Variants in CEP63 observed in about 807,000 individuals in gnomAD.
CEP63 encodes the protein centrosomal protein of 63 kDa.
In CEP63, 84 loss-of-function variants were observed where a neutral mutation model predicts 89.1. The observed-to-expected ratio is 0.94, with a 90% CI of 0.79 to 1.13. CEP63 has a LOEUF of 1.13. CEP63 is among the 50% of genes most tolerant of loss of function. The pLI is 0.00. For missense variants in CEP63, 838 were observed against 813.3 expected, an observed-to-expected ratio of 1.03 and a Z score of -0.37; for synonymous variants, 267 against 272.5, an observed-to-expected ratio of 0.98 and a Z score of 0.20.
chr3:134,657,436 C>A, the CEP63 span, among the ~76,000 whole-genome samples: 1 of 152,232 alleles, frequency 6.6e-6, no homozygotes, highest in Admixed American at 6.5e-5. Flanking sequence ...ATTGGTATTG[C>A]ACCATATATA....
At chr3:134,710,588 C>T in the CEP63 span, among the ~76,000 whole-genome samples, 56 of 152,188 alleles carry the variant, frequency 3.7e-4, no homozygotes, top group Non-Finnish European at 6.6e-4. Flanking sequence ...CCCCTCCTTC[C>T]CACCCCAGGC....
At chr3:134,670,326 T>C in the CEP63 span, among the ~76,000 whole-genome samples, 1 of 152,174 alleles carries the variant, frequency 6.6e-6, no homozygotes, top group African/African-American at 2.4e-5. Flanking sequence ...ATTTAAATTT[T>C]GTTAAAAAAA....
At chr3:134,606,626 C>A in the CEP63 span, among the ~76,000 whole-genome samples, 1 of 152,208 alleles carries the variant, frequency 6.6e-6, no homozygotes, top group Non-Finnish European at 1.5e-5. Flanking sequence ...GAACTCCTTG[C>A]TGGCCTGTGG....
Position 134,537,243 on chromosome 3 carries a change from T to C in CEP63, c.530T>C (p.Leu177Pro), listed in dbSNP as rs1950938804. The change falls in exon 6 of 15, where the codon CTG becomes CCG. Residue 177 changes from leucine to proline, a missense_variant. Transcript: ENST00000675561. The stretch of plus-strand genomic sequence containing the variant: ...TCACTGGAGGCACAAAGGAAGGCTC[T>C]GGCTGAACAATCAGAGATAATTCAG... The part of the protein sequence containing the change: ...VSSLEAQRKA[L>P]AEQSEIIQAQ... 2 of 1,611,800 alleles carry C rather than the reference T, an allele frequency of 1.2e-6. No homozygotes were observed. The highest frequency in any genetic ancestry group is 2.7e-5 in the African/African-American group (2 of 74,898).
chr3:134,686,767 G>A, the CEP63 span, among the ~76,000 whole-genome samples: 1 of 152,200 alleles, frequency 6.6e-6, no homozygotes, highest in Non-Finnish European at 1.5e-5. Context: ...AGTCTCATGT[G>A]AGCCTCACAA....
At chr3:134,608,369 A>T in the CEP63 span, 1 of 1,370,044 alleles carries the variant, frequency 7.3e-7, no homozygotes, top group Middle Eastern at 2.0e-4. Flanking sequence ...AAGTTCTAGG[A>T]AACCTGCAGC....
At chr3:134,748,987 A>C in the CEP63 span, among the ~76,000 whole-genome samples, 1 of 152,078 alleles carries the variant, frequency 6.6e-6, no homozygotes, top group Non-Finnish European at 1.5e-5. Flanking sequence ...TGCAGGTGGG[A>C]ATAGTTTAAG....
chr3:134,497,653 A>G (rs1002942877), intron 2 of CEP63, among the ~76,000 whole-genome samples: 21 of 152,292 alleles, frequency 1.4e-4, no homozygotes, highest in African/African-American at 4.3e-4. Flanking sequence ...CACAGGCATC[A>G]GCCACTGTAC....
the CEP63 span, among the ~76,000 whole-genome samples, chr3:134,712,188 A>T: frequency 6.6e-6 from 1 of 152,026 alleles, no homozygotes; most frequent in Non-Finnish European, 1.5e-5. Flanking sequence ...TTGTTTTTTT[A>T]AATCCATCCA....
the CEP63 span, chr3:134,607,635 T>A: frequency 3.0e-6 from 3 of 985,682 alleles, no homozygotes; most frequent in Non-Finnish European, 3.6e-6. Flanking sequence ...AGAGACAATC[T>A]TCCAGAGAAG....
the CEP63 span, among the ~76,000 whole-genome samples, chr3:134,764,012 G>A: frequency 6.6e-6 from 1 of 152,224 alleles, no homozygotes; most frequent in African/African-American, 2.4e-5. Context: ...TTACTGGGTA[G>A]AATATATTCT....
rs1328489112 is a variant in CEP63 at position 134,486,550 on chromosome 3, T to TGGCCAGGTGGGCGAGC, written c.-26+350_-26+365dup. On this transcript the variant is annotated intron_variant, in intron 1 of 14. Coordinates refer to ENST00000675561, the MANE Select transcript of CEP63 (RefSeq NM_001353108.3). ...AGGTGGCTGGGGGCGCTTCGGAGAG[T>TGGCCAGGTGGGCGAGC]GGCCAGGTGGGCGAGCGAGCTGCGC... 6.1e-6 allele frequency: 6 copies of TGGCCAGGTGGGCGAGC among 985,134 alleles called. No homozygotes were observed. The East Asian group carries it at 5.7e-4, about 93-fold the overall frequency. The allele number at this position is 985,134 out of a possible 1,614,324, so 61.0% of individuals were successfully genotyped here.
the CEP63 span, chr3:134,610,388 G>T: frequency 6.2e-7 from 1 of 1,608,908 alleles, no homozygotes; most frequent in Non-Finnish European, 8.5e-7. Flanking sequence ...GCGAGCCTGG[G>T]GGCAGGACAG....
At chr3:134,551,070 T>C (rs1386346941) in intron 11 of CEP63, among the ~76,000 whole-genome samples, 1 of 152,078 alleles carries the variant, frequency 6.6e-6, no homozygotes, top group East Asian at 1.9e-4. Context: ...GGGAGCAAGT[T>C]TGGTGAAGGA....
chr3:134,692,941 C>T, the CEP63 span, among the ~76,000 whole-genome samples: 1 of 152,240 alleles, frequency 6.6e-6, no homozygotes, highest in East Asian at 1.9e-4. Context: ...TCTTCCTTCT[C>T]TTTCTCGCTT....
At chr3:134,659,623 C>T in the CEP63 span, among the ~76,000 whole-genome samples, 8 of 152,198 alleles carry the variant, frequency 5.3e-5, no homozygotes, top group Non-Finnish European at 1.2e-4. Flanking sequence ...GCCAGCCACT[C>T]GCAGGGCTTA....
chr3:134,557,279 G>T (rs1295069711), intron 12 of CEP63, among the ~76,000 whole-genome samples: 2 of 149,498 alleles, frequency 1.3e-5, no homozygotes. Flanking sequence ...GTCACTACTT[G>T]TACACAGATA....
At chr3:134,685,843 G>C in the CEP63 span, among the ~76,000 whole-genome samples, 1 of 152,164 alleles carries the variant, frequency 6.6e-6, no homozygotes, top group Non-Finnish European at 1.5e-5. Context: ...TCCACTTTTG[G>C]GTCTGGCCAA....
At chr3:134,586,915 T>G (rs186860545) in intron 10 of CEP63, among the ~76,000 whole-genome samples, 1 of 152,334 alleles carries the variant, frequency 6.6e-6, no homozygotes, top group Admixed American at 6.5e-5. Flanking sequence ...TCTCTAATCT[T>G]ATCTTCTTGC....
Sources: gnomAD v4.1 joint callset for allele counts (sites outside exome capture counted in the v4.1 genomes callset) on GRCh38, gnomAD v4.1.1 for gene constraint, MANE v1.5 for transcripts, NCBI Gene and HGNC (gene_info 2026-07-23, HGNC 2026-07-21) for gene names.